LAMB1: variants seen among roughly 807,000 people sequenced by gnomAD.
The protein encoded by LAMB1 is laminin subunit beta-1.
A neutral mutation model predicts 222.3 loss-of-function variants in LAMB1; 121 were observed. That is an observed-to-expected ratio of 0.54 (90% CI 0.47 to 0.63). LAMB1 has a LOEUF of 0.63. LAMB1 is among the 30% of genes least tolerant of loss of function. LAMB1 has a pLI of 0.00. For missense variants in LAMB1, 2,172 were observed against 2,240.8 expected (o/e 0.97, Z 0.62); for synonymous variants, 794 against 807.2 (o/e 0.98, Z 0.28).
intron 8 of LAMB1, 38 bp from the exon 9 acceptor site, chr7:107,978,205 G>T: frequency 6.2e-7 from 1 of 1,604,158 alleles, no homozygotes; most frequent in Non-Finnish European, 8.5e-7. Flanking sequence ...CAAAGGAAGA[G>T]ATGTATGAAT....
chr7:107,959,645 T>C lies in LAMB1; in HGVS notation c.2458+46A>G, dbSNP rs747230991. On this transcript the variant is annotated intron_variant, in intron 19 of 33. Transcript: ENST00000222399. ...AGCAATGGAACCCTGCCACAATGGC[T>C]GAGTTAATCTGAATGAATGCATAAC... 6.8e-6 allele frequency: 11 copies of C among 1,614,052 alleles called. No homozygotes were observed. In the Admixed American group the frequency reaches 8.3e-5, roughly 12 times the overall value.
chr7:107,931,749 T>C, intron 28 of LAMB1: 1 of 512,942 alleles, frequency 1.9e-6, no homozygotes. Context: ...GTTTTTTAAC[T>C]CCTGGCCTAT....
chr7:107,965,406 C>T (rs923248496), intron 13 of LAMB1, among the ~76,000 whole-genome samples: 2 of 152,060 alleles, frequency 1.3e-5, no homozygotes, highest in Non-Finnish European at 2.9e-5. Context: ...ATGGAGAAAC[C>T]CCATCTCTAC....
At chr7:108,001,065 C>A (rs1230346622) in intron 3 of LAMB1, among the ~76,000 whole-genome samples, 2 of 152,090 alleles carry the variant, frequency 1.3e-5, no homozygotes, top group Non-Finnish European at 2.9e-5. Context: ...AGCATCTGAT[C>A]CTGATATCTA....
chr7:107,973,999 A>G (rs2033803334), intron 12 of LAMB1, among the ~76,000 whole-genome samples: 1 of 151,990 alleles, frequency 6.6e-6, no homozygotes, highest in Non-Finnish European at 1.5e-5. Context: ...CTGGTCTCAA[A>G]CTCATGATCT....
intron 5 of LAMB1, among the ~76,000 whole-genome samples, chr7:107,987,235 A>T (rs2034096716): frequency 6.6e-6 from 1 of 152,234 alleles, no homozygotes; most frequent in African/African-American, 2.4e-5. Context: ...CTTGTATGAA[A>T]TACCTAGAAT....
intron 2 of LAMB1, chr7:108,002,384 T>C (rs1222192713): frequency 7.6e-7 from 1 of 1,315,992 alleles, no homozygotes; most frequent in Non-Finnish European, 1.0e-6. Context: ...TCCTGCTGTT[T>C]CTGGTGCCAT....
At chr7:107,946,238 A>T (rs1463573173) in intron 24 of LAMB1, among the ~76,000 whole-genome samples, 1 of 152,260 alleles carries the variant, frequency 6.6e-6, no homozygotes, top group Non-Finnish European at 1.5e-5. Context: ...ATTTACTAAA[A>T]GCAAGGGCAA....
chr7:107,935,160 T>C lies in LAMB1; in HGVS notation c.4188+255A>G, dbSNP rs117733370. Among the ~76,000 whole-genome samples the C allele has an allele frequency of 4.3e-3, 653 of 151,968 alleles. 4 individuals carry two copies. The highest frequency in any genetic ancestry group is 6.9e-3 in the Non-Finnish European group (466 of 67,938). On this transcript the variant is annotated intron_variant, in intron 27 of 33. Coordinates refer to ENST00000222399, the MANE Select transcript of LAMB1 (RefSeq NM_002291.3). ...GTATGGGAGAATAGTCATGATTCAT[T>C]CTTTAGTTGAGGACCACAGAGAAAC...
chr7:107,976,071 C>A (rs2033847848), intron 9 of LAMB1, among the ~76,000 whole-genome samples, 194 bp from the exon 10 acceptor site: 1 of 151,962 alleles, frequency 6.6e-6, no homozygotes, highest in Non-Finnish European at 1.5e-5. Flanking sequence ...TGAGAAATCT[C>A]AAAAATGTGA....
At position 107,964,190 on chromosome 7, in the gene LAMB1, A is replaced by G. The variant is rs542778846; in HGVS notation, c.1698+362T>C. Among the ~76,000 whole-genome samples, 4 of 152,382 alleles carry G rather than the reference A, an allele frequency of 2.6e-5. No homozygotes were observed. The South Asian group carries it at 8.3e-4, about 32-fold the overall frequency. ...AGCCACCCCAGCTCAAGAGCCAGGC[A>G]TACATTTAAAGTCACTAAATTTGGG... On this transcript the variant is annotated intron_variant, in intron 14 of 33. Transcript: ENST00000222399.
chr7:107,953,973 T>C (rs1384520509), intron 21 of LAMB1, among the ~76,000 whole-genome samples: 3 of 152,116 alleles, frequency 2.0e-5, no homozygotes, highest in Non-Finnish European at 2.9e-5. Context: ...CCATAGTAAC[T>C]TTTTGCACCA....
chr7:107,979,340 C>A (rs1162007610), intron 8 of LAMB1, among the ~76,000 whole-genome samples: 2 of 152,188 alleles, frequency 1.3e-5, no homozygotes, highest in African/African-American at 2.4e-5. Flanking sequence ...ACACTCAATC[C>A]TGTACCTTCT....
At chr7:107,962,586 T>C (rs1044701873) in intron 15 of LAMB1, among the ~76,000 whole-genome samples, 1 of 151,660 alleles carries the variant, frequency 6.6e-6, no homozygotes, top group Non-Finnish European at 1.5e-5. Context: ...TGGTGGCGCA[T>C]GCCTGTAATC....
chr7:107,931,677 T>C, intron 28 of LAMB1, 177 bp from the exon 29 acceptor site: 1 of 626,360 alleles, frequency 1.6e-6, no homozygotes, highest in Non-Finnish European at 2.8e-6. Context: ...AAGTATTCAG[T>C]ATAGAGATTC....
chr7:107,995,973 T>A (rs2034274451), intron 4 of LAMB1, among the ~76,000 whole-genome samples: 1 of 152,162 alleles, frequency 6.6e-6, no homozygotes, highest in South Asian at 2.1e-4. Context: ...AAGTGGTCAT[T>A]GGAACGGATA....
In LAMB1 at chr7:107,923,877, G is replaced by C. The variant is rs1033829868; in HGVS notation, c.*74C>G. On this transcript the variant is annotated 3_prime_UTR_variant, in exon 34 of 34. Coordinates refer to ENST00000222399, the MANE Select transcript of LAMB1 (RefSeq NM_002291.3). ...CATTAAATAGGTGATGTTTTATTTT[G>C]AAGAGCATTAAGTCAGTTTTTAAAA... The C allele has an allele frequency of 5.3e-6, 7 of 1,321,884 alleles. No individual in the cohort carries two copies. Among genetic ancestry groups the C allele is most frequent in the Admixed American group, 2.3e-5 (1 of 43,242 alleles). 81.9% of individuals were successfully genotyped at this position (1,321,884 alleles called of 1,614,324 possible).
chr7:107,987,947 A>G (rs552229909), intron 5 of LAMB1, among the ~76,000 whole-genome samples: 6 of 152,360 alleles, frequency 3.9e-5, no homozygotes, highest in Admixed American at 1.3e-4. Context: ...AACACTAAAA[A>G]ATTTAAGTGG....
chr7:107,961,058 G>A (rs1356764887), intron 17 of LAMB1, 148 bp downstream of exon 17: 4 of 803,492 alleles, frequency 5.0e-6, no homozygotes, highest in East Asian at 2.6e-5. Context: ...CCATGGGGTG[G>A]AGTATAAGCA....
Sources: allele counts gnomAD v4.1 joint callset (sites outside exome capture counted in the v4.1 genomes callset), GRCh38; gene constraint gnomAD v4.1.1; transcripts MANE v1.5; gene names NCBI Gene and HGNC (gene_info 2026-07-23, HGNC 2026-07-21).